ATRIP: variants seen among roughly 807,000 people sequenced by gnomAD.
ATRIP encodes the protein ATR interacting protein, also known as ATR-interacting protein.
In ATRIP, 44 loss-of-function variants were observed where a neutral mutation model predicts 78.1. The ratio of observed to expected loss-of-function variants is 0.56; its 90% CI spans 0.44 to 0.72. The LOEUF (loss-of-function observed/expected upper bound fraction) is 0.72. ATRIP is among the 30% of genes least tolerant of loss of function. The pLI is 0.00. For missense variants in ATRIP, 927 were observed against 980.2 expected, an observed-to-expected ratio of 0.95 and a Z score of 0.72; for synonymous variants, 388 against 408.9, an observed-to-expected ratio of 0.95 and a Z score of 0.62.
intron 8 of ATRIP, 45 bp from the exon 9 acceptor site, chr3:48,463,700 C>T: frequency 1.2e-6 from 2 of 1,610,472 alleles, no homozygotes; most frequent in South Asian, 2.2e-5. Context: ...GGTTATGGAG[C>T]TGGGGTTGGG....
chr3:48,464,992 G>A lies in ATRIP; in HGVS notation c.2217G>A (p.Met739Ile). 1 of 1,614,122 alleles carries A rather than the reference G, an allele frequency of 6.2e-7. No individual in the cohort carries two copies. Among genetic ancestry groups the A allele is most frequent in the Non-Finnish European group, 8.5e-7 (1 of 1,180,038 alleles). The part of the protein sequence containing the change: ...GLSQKDKLFM[M>I]HCVEVLHQFD... The stretch of plus-strand genomic sequence containing the variant: ...CGCAGAAGGACAAGCTCTTCATGAT[G>A]CACTGCGTGGAGGTCCTGCATCAGT... Residue 739 changes from methionine (M) to isoleucine (I), a missense_variant, in exon 12 of 13, where the codon ATG becomes ATA. Coordinates refer to ENST00000320211, the MANE Select transcript of ATRIP (RefSeq NM_130384.3).
Position 48,467,529 on chromosome 3 carries a change from G to T in ATRIP, c.*1975G>T. 2 of 1,613,672 alleles carry T rather than the reference G, an allele frequency of 1.2e-6. No individual in the cohort carries two copies. Among genetic ancestry groups the T allele is most frequent in the Non-Finnish European group, 1.7e-6 (2 of 1,179,812 alleles). On this transcript the variant is annotated 3_prime_UTR_variant, in exon 13 of 13. Transcript: ENST00000320211. ...CAGGGAGGGGCTGCTGGCCCCACTG[G>T]GTCTGCTGGCCATCCTGACCTTGGC...
intron 2 of ATRIP, among the ~76,000 whole-genome samples, chr3:48,451,277 C>T (rs2039829430): frequency 1.3e-5 from 2 of 151,782 alleles, no homozygotes; most frequent in Non-Finnish European, 2.9e-5. Flanking sequence ...ATCGCTTGAA[C>T]CCAAGAGTTC....
intron 2 of ATRIP, chr3:48,450,411 G>A (rs1200790522): frequency 9.6e-7 from 1 of 1,042,544 alleles, no homozygotes; most frequent in African/African-American, 1.6e-5. Flanking sequence ...GATACAAACT[G>A]TTAGGGTACT....
intron 3 of ATRIP, among the ~76,000 whole-genome samples, chr3:48,452,901 A>G (rs1459527163): frequency 7.4e-6 from 1 of 134,406 alleles, no homozygotes; most frequent in Non-Finnish European, 1.6e-5. Context: ...TTTTTGAGAC[A>G]GGGTCCAGGG....
rs368316197 is a variant in ATRIP, at chr3:48,451,865, C to T, written c.518C>T (p.Ala173Val). The change falls in exon 3 of 13, where the codon GCA (alanine) becomes GTA (valine). Residue 173 changes from alanine to valine, a missense_variant. Ala to Val is a moderately conservative substitution (Grantham distance 64). Coordinates refer to ENST00000320211, the MANE Select transcript of ATRIP (RefSeq NM_130384.3). ...CTTCTTGAGCAAGAGAAAACCCAAG[C>T]ACTCAGTGACAAGGAAAAGGAATTC... ...HFLLEQEKTQ[A>V]LSDKEKEFSK... 69 of 1,609,372 alleles carry T rather than the reference C, an allele frequency of 4.3e-5. No individual in the cohort carries two copies. The highest frequency in any genetic ancestry group is 5.3e-5 in the Non-Finnish European group (62 of 1,177,674).
At position 48,465,008 on chromosome 3, in the gene ATRIP, C is replaced by G. The variant is rs1269573951; in HGVS notation, c.2233C>G (p.Leu745Val). The G allele has an allele frequency of 6.2e-7, 1 of 1,614,044 alleles. No homozygotes were observed. The highest frequency in any genetic ancestry group is 1.1e-5 in the South Asian group (1 of 91,086). The stretch of plus-strand genomic sequence containing the variant: ...CTTCATGATGCACTGCGTGGAGGTC[C>G]TGCATCAGTTTGACCAGGTGATGCC... ...KLFMMHCVEV[L>V]HQFDQVMPGV... The change falls in exon 12 of 13, where the codon CTG becomes GTG. Residue 745 changes from leucine to valine, a missense_variant. Leu to Val is a conservative substitution (Grantham distance 32, BLOSUM62 1). Coordinates refer to ENST00000320211, the MANE Select transcript of ATRIP (RefSeq NM_130384.3).
intron 4 of ATRIP, among the ~76,000 whole-genome samples, chr3:48,456,370 C>A (rs866409934): frequency 3.3e-5 from 5 of 151,954 alleles, no homozygotes; most frequent in African/African-American, 1.2e-4. Flanking sequence ...TTTGAGCCCA[C>A]GAGTTCAGGA....
At chr3:48,465,182 C>G in intron 12 of ATRIP, 99 bp downstream of exon 12, 1 of 1,458,190 alleles carries the variant, frequency 6.9e-7, no homozygotes, top group Admixed American at 2.0e-5. Context: ...AGGCCCCCGC[C>G]CACTGCAGCC....
rs1300120862 is a variant in ATRIP, at chr3:48,459,781, C to T, written c.926-6C>T. 7 of 1,610,008 alleles carry T rather than the reference C, an allele frequency of 4.3e-6. No homozygotes were observed. The Admixed American group carries it at 6.8e-5, about 16-fold the overall frequency. On this transcript the variant is annotated splice_polypyrimidine_tract_variant and splice_region_variant and intron_variant, in intron 6 of 12. Coordinates refer to ENST00000320211, the MANE Select transcript of ATRIP (RefSeq NM_130384.3). ...GAACCTTCTAGAGTCATCTTGTCTT[C>T]TGCAGGTTCCATTTTGATAAACCTG...
At position 48,467,376 on chromosome 3, in the gene ATRIP, A is replaced by T. The variant is rs376263131; in HGVS notation, c.*1822A>T. On this transcript the variant is annotated 3_prime_UTR_variant, in exon 13 of 13. Coordinates refer to ENST00000320211, the MANE Select transcript of ATRIP (RefSeq NM_130384.3). ...GTATGGGGTCACAGCCTCTGCTAGG[A>T]CCAAGCCAAGACCATCTGCTGTCAC... 9 of 1,614,016 alleles carry T rather than the reference A, an allele frequency of 5.6e-6. 1 individual carries two copies. Among genetic ancestry groups the T allele is most frequent in the Non-Finnish European group, 8.5e-7 (1 of 1,180,024 alleles).
chr3:48,449,946 A>G lies in ATRIP; in HGVS notation c.248-91A>G, dbSNP rs929486616. ...GAGCAAGACCCTATCTCAAAAAAGA[A>G]AAAAAAAAAAAAAGTGGGTATTTTC... is the stretch of plus-strand genomic sequence containing the variant. On this transcript the variant is annotated intron_variant, in intron 1 of 12. Transcript: ENST00000320211. 13 of 1,115,684 alleles carry G rather than the reference A, an allele frequency of 1.2e-5. No individual in the cohort carries two copies. In the African/African-American group the frequency reaches 2.3e-4, roughly 19 times the overall value. The allele number at this position is 1,115,684 out of a possible 1,614,324, so 69.1% of individuals were successfully genotyped here.
chr3:48,467,538 G>A lies in ATRIP; in HGVS notation c.*1984G>A. 2.5e-6 allele frequency: 4 copies of A among 1,613,908 alleles called. No homozygotes were observed. Among genetic ancestry groups the A allele is most frequent in the Non-Finnish European group, 2.5e-6 (3 of 1,180,000 alleles). On this transcript the variant is annotated 3_prime_UTR_variant, in exon 13 of 13. Coordinates refer to ENST00000320211, the MANE Select transcript of ATRIP (RefSeq NM_130384.3). ...GCTGCTGGCCCCACTGGGTCTGCTG[G>A]CCATCCTGACCTTGGCAGTAGCCAC...
rs778799765 is a variant in ATRIP, at chr3:48,460,668, G to A, written c.1614G>A (p.Leu538=). 6 of 1,614,152 alleles carry A rather than the reference G, an allele frequency of 3.7e-6. No individual in the cohort carries two copies. Among genetic ancestry groups the A allele is most frequent in the Non-Finnish European group, 5.1e-6 (6 of 1,179,998 alleles). ...GVADDQGQHP[L]LKMLLHLLAF... is the part of the protein sequence containing the mutation. ...CTGATGACCAAGGACAGCACCCACT[G>A]TTGAAGATGCTTCTTCACCTGTTGG... Residue 538 remains leucine, a synonymous_variant, in exon 8 of 13, where the codon CTG becomes CTA. Coordinates refer to ENST00000320211, the MANE Select transcript of ATRIP (RefSeq NM_130384.3).
At chr3:48,449,886 A>G in intron 1 of ATRIP, 151 bp from the exon 2 acceptor site, 1 of 728,756 alleles carries the variant, frequency 1.4e-6, no homozygotes, top group South Asian at 2.1e-5. Flanking sequence ...GGCAGTAAGC[A>G]GTGATCACAC....
At position 48,458,936 on chromosome 3, in the gene ATRIP, C is replaced by G. The variant is rs182845482; in HGVS notation, c.830-423C>G. Among the ~76,000 whole-genome samples the G allele has an allele frequency of 9.0e-4, 137 of 152,330 alleles. 11 individuals carry two copies. The East Asian group carries it at 0.018, about 20-fold the overall frequency. ...ATGTGAGTCCCAGTAATGCTGTTAA[C>G]TGGCTTATATGATTTGGGCAAGTCC... On this transcript the variant is annotated intron_variant, in intron 5 of 12. Transcript: ENST00000320211.
chr3:48,448,950 T>G (rs1262551109), intron 1 of ATRIP, among the ~76,000 whole-genome samples: 1 of 152,266 alleles, frequency 6.6e-6, no homozygotes, highest in African/African-American at 2.4e-5. Flanking sequence ...CTATTGTACC[T>G]GTAGAGCCTA....
chr3:48,450,871 C>T (rs895410929), intron 2 of ATRIP, among the ~76,000 whole-genome samples: 4 of 151,784 alleles, frequency 2.6e-5, no homozygotes, highest in Non-Finnish European at 5.9e-5. Context: ...ACCCAGCGAC[C>T]CAGATCGTTA....
At position 48,465,038 on chromosome 3, in the gene ATRIP, G is replaced by A. The variant is rs1575288904; in HGVS notation, c.2263G>A (p.Val755Ile). Residue 755 changes from valine (V) to isoleucine (I), a missense_variant, in exon 12 of 13, where the codon GTC (valine) becomes ATC (isoleucine). Transcript: ENST00000320211. Reference protein sequence around the residue: ...LHQFDQVMPGVSMLIRGLPDV... With the variant: ...LHQFDQVMPGISMLIRGLPDV... The stretch of plus-strand genomic sequence containing the variant: ...TCAGTTTGACCAGGTGATGCCGGGG[G>A]TCAGCATGCTCATCCGAGGGCTTCC... 4 of 1,613,634 alleles carry A rather than the reference G, an allele frequency of 2.5e-6. No individual in the cohort carries two copies. Among genetic ancestry groups the A allele is most frequent in the South Asian group, 1.1e-5 (1 of 91,080 alleles).
Sources: gnomAD v4.1 joint callset for allele counts (sites outside exome capture counted in the v4.1 genomes callset) on GRCh38, gnomAD v4.1.1 for gene constraint, MANE v1.5 for transcripts, NCBI Gene and HGNC (gene_info 2026-07-23, HGNC 2026-07-21) for gene names.